EDIL3: variants seen among roughly 807,000 people sequenced by gnomAD.
EDIL3 encodes EGF-like repeat and discoidin I-like domain-containing protein 3.
In EDIL3, 37 loss-of-function variants were observed where a neutral mutation model predicts 67.4. That is an observed-to-expected ratio of 0.55 (90% CI 0.42 to 0.72). The LOEUF is 0.72. EDIL3 is among the 30% of genes least tolerant of loss of function. The pLI, the probability that EDIL3 is intolerant of heterozygous loss-of-function variation, is 0.00. For missense variants in EDIL3, 527 were observed against 586.3 expected (o/e 0.90, Z 1.04); for synonymous variants, 195 against 196.3 (o/e 0.99, Z 0.05).
intron 1 of EDIL3, among the ~76,000 whole-genome samples, chr5:84,306,889 C>T (rs576947436): frequency 1.3e-5 from 2 of 152,298 alleles, no homozygotes; most frequent in East Asian, 3.9e-4. Context: ...AGCATTTTGC[C>T]TCACTGGGCC....
chr5:84,255,022 A>G (rs1745101064), intron 1 of EDIL3, among the ~76,000 whole-genome samples: 1 of 152,164 alleles, frequency 6.6e-6, no homozygotes, highest in African/African-American at 2.4e-5. Context: ...TGAACTTTTC[A>G]TATGAGTAAG....
chr5:84,243,598 G>T (rs1012122145), intron 2 of EDIL3, among the ~76,000 whole-genome samples: 2 of 152,080 alleles, frequency 1.3e-5, no homozygotes, highest in Admixed American at 6.5e-5. Flanking sequence ...AGACATTGTG[G>T]GGTTATATGA....
At chr5:84,199,043 A>G (rs987742803) in intron 3 of EDIL3, among the ~76,000 whole-genome samples, 4 of 152,008 alleles carry the variant, frequency 2.6e-5, no homozygotes, top group Non-Finnish European at 4.4e-5. Flanking sequence ...TAGGTAATGA[A>G]GTTTTCTAGT....
chr5:83,992,267 T>C (rs1013217692), intron 9 of EDIL3, among the ~76,000 whole-genome samples: 6 of 152,212 alleles, frequency 3.9e-5, no homozygotes, highest in Admixed American at 3.9e-4. Flanking sequence ...ATAACAATTG[T>C]GTTCAAAAGT....
chr5:84,228,748 A>G (rs1235797545), intron 3 of EDIL3, among the ~76,000 whole-genome samples: 2 of 152,136 alleles, frequency 1.3e-5, no homozygotes, highest in Non-Finnish European at 2.9e-5. Context: ...TGATCTTTTG[A>G]ATTTACTCCT....
At chr5:84,074,651 A>G (rs1746816016) in intron 6 of EDIL3, among the ~76,000 whole-genome samples, 1 of 151,892 alleles carries the variant, frequency 6.6e-6, no homozygotes, top group Non-Finnish European at 1.5e-5. Context: ...ACAATGAGAT[A>G]CCATCTCACA....
intron 10 of EDIL3, among the ~76,000 whole-genome samples, chr5:83,961,180 A>G (rs896427117): frequency 4.6e-5 from 7 of 151,104 alleles, no homozygotes; most frequent in Admixed American, 3.3e-4. Context: ...AAAGGACATT[A>G]AAAATCTGTT....
chr5:84,262,258 C>G (rs960678360), intron 1 of EDIL3, among the ~76,000 whole-genome samples: 3 of 152,042 alleles, frequency 2.0e-5, no homozygotes, highest in Admixed American at 1.3e-4. Context: ...GGTTCCCAGC[C>G]CTCCACAGTT....
chr5:84,300,164 G>A (rs1333250408), intron 1 of EDIL3, among the ~76,000 whole-genome samples: 1 of 152,186 alleles, frequency 6.6e-6, no homozygotes, highest in African/African-American at 2.4e-5. Flanking sequence ...GGAAGAATGT[G>A]TTTTATTGCC....
At chr5:84,138,812 T>C (rs771170563) in intron 4 of EDIL3, among the ~76,000 whole-genome samples, 2 of 152,156 alleles carry the variant, frequency 1.3e-5, no homozygotes, top group Non-Finnish European at 2.9e-5. Flanking sequence ...TTGACAATCA[T>C]AGCTTAAGAA....
chr5:84,360,136 C>T (rs1450953783), intron 1 of EDIL3, among the ~76,000 whole-genome samples: 2 of 152,066 alleles, frequency 1.3e-5, no homozygotes, highest in Non-Finnish European at 2.9e-5. Flanking sequence ...GGGAGCAGCT[C>T]AAAACCAGTG....
chr5:84,229,918 G>A (rs1257211829), intron 2 of EDIL3, 34 bp from the exon 3 acceptor site: 1 of 1,586,812 alleles, frequency 6.3e-7, no homozygotes, highest in South Asian at 1.1e-5. Context: ...ATGGGGGTGG[G>A]GTAGAAGTGA....
intron 1 of EDIL3, among the ~76,000 whole-genome samples, chr5:84,353,183 G>C: frequency 6.6e-6 from 1 of 151,928 alleles, no homozygotes; most frequent in East Asian, 1.9e-4. Flanking sequence ...CAACCAACGT[G>C]AATCATGTTA....
At chr5:84,089,835 G>A (rs1003955253) in intron 6 of EDIL3, among the ~76,000 whole-genome samples, 4 of 152,102 alleles carry the variant, frequency 2.6e-5, no homozygotes, top group African/African-American at 9.7e-5. Flanking sequence ...GTGCGACTTT[G>A]TTTATTCTAT....
chr5:84,173,579 G>C (rs920145658), intron 4 of EDIL3, among the ~76,000 whole-genome samples: 2 of 152,268 alleles, frequency 1.3e-5, no homozygotes, highest in African/African-American at 2.4e-5. Flanking sequence ...GAAGGGTAGA[G>C]AGTCAATCAT....
chr5:84,245,523 T>C (rs1744891087), intron 2 of EDIL3, among the ~76,000 whole-genome samples: 1 of 152,072 alleles, frequency 6.6e-6, no homozygotes, highest in Non-Finnish European at 1.5e-5. Context: ...AATAACTTAA[T>C]CTAAAGGAAA....
At chr5:84,216,822 C>T (rs1474677537) in intron 3 of EDIL3, among the ~76,000 whole-genome samples, 1 of 152,154 alleles carries the variant, frequency 6.6e-6, no homozygotes, top group Non-Finnish European at 1.5e-5. Context: ...GGATGAGCAA[C>T]ATTGTGGTGA....
chr5:84,357,049 T>C (rs1175744951), intron 1 of EDIL3, among the ~76,000 whole-genome samples: 1 of 151,234 alleles, frequency 6.6e-6, no homozygotes, highest in Non-Finnish European at 1.5e-5. Context: ...CTCAGCCTCC[T>C]GAGTAGCTGG....
At chr5:84,383,157 T>G (rs1286609599) in intron 1 of EDIL3, among the ~76,000 whole-genome samples, 1 of 152,218 alleles carries the variant, frequency 6.6e-6, no homozygotes, top group Non-Finnish European at 1.5e-5. Context: ...AGCTTTCCAC[T>G]TGAAGCTGCC....
Sources: gnomAD v4.1 joint callset for allele counts (sites outside exome capture counted in the v4.1 genomes callset) on GRCh38, gnomAD v4.1.1 for gene constraint, MANE v1.5 for transcripts, NCBI Gene and HGNC (gene_info 2026-07-23, HGNC 2026-07-21) for gene names.